Variants in RERE observed in about 807,000 individuals in gnomAD.
RERE encodes arginine-glutamic acid dipeptide repeats protein.
RERE carries 40 observed loss-of-function variants against 146.1 expected under a neutral mutation model. That is an observed-to-expected ratio of 0.27 (90% CI 0.21 to 0.36). RERE has a LOEUF of 0.36. Ranked by LOEUF, RERE falls within the 10% of genes least tolerant of loss-of-function variation. The pLI, the probability that RERE is intolerant of heterozygous loss-of-function variation, is 1.00. For synonymous variants in RERE, 1,003 were observed against 866.0 expected (o/e 1.16, Z -2.78); for missense variants, 1,933 against 2,138.7 (o/e 0.90, Z 1.90).
rs1397809040 is a variant in RERE, at chr1:8,423,740, C to T, written c.1204-933G>A. On this transcript the variant is annotated intron_variant, in intron 11 of 22. Coordinates refer to ENST00000400908, the MANE Select transcript of RERE (RefSeq NM_001042681.2). This position sits in a 1 kb window ranked among gnomAD's most constrained non-coding sequence, Gnocchi z 5.4. ...CGGCGGGGCCGCGCGGCGCGGGGCC[C>T]GGGGGGCGCGGGGCTGGGGCCGCCG... 3.1e-6 allele frequency: 3 copies of T among 964,382 alleles called. No individual in the cohort carries two copies. Among genetic ancestry groups the T allele is most frequent in the East Asian group, 1.2e-4 (1 of 8,628 alleles). 59.7% of individuals were successfully genotyped at this position (964,382 alleles called of 1,614,324 possible).
At chr1:8,527,016 T>C (rs1019733624) in intron 7 of RERE, among the ~76,000 whole-genome samples, 3 of 152,194 alleles carry the variant, frequency 2.0e-5, no homozygotes, top group Non-Finnish European at 4.4e-5. Flanking sequence ...CCCAGAAATG[T>C]AATGGAATGT....
chr1:8,529,852 C>A (rs1645619878), intron 7 of RERE, among the ~76,000 whole-genome samples: 1 of 152,164 alleles, frequency 6.6e-6, no homozygotes, highest in Non-Finnish European at 1.5e-5. Flanking sequence ...ACCACAAATT[C>A]CAATTTTAGA....
At chr1:8,546,457 A>T (rs1645863815) in intron 6 of RERE, among the ~76,000 whole-genome samples, 1 of 151,618 alleles carries the variant, frequency 6.6e-6, no homozygotes, top group Non-Finnish European at 1.5e-5. Context: ...AATCGGAATG[A>T]TTTTTTTTCT....
At chr1:8,365,433 C>G (rs770955687) in intron 13 of RERE, among the ~76,000 whole-genome samples, 21 of 152,178 alleles carry the variant, frequency 1.4e-4, no homozygotes, top group Admixed American at 2.6e-4. Context: ...ATCTGATCTT[C>G]TTACAACCAA....
chr1:8,735,763 C>T (rs1227628406), intron 1 of RERE, among the ~76,000 whole-genome samples: 2 of 152,154 alleles, frequency 1.3e-5, no homozygotes, highest in African/African-American at 4.8e-5. Context: ...CACCTTCCGC[C>T]TCTCTTCCTC....
chr1:8,639,053 G>A (rs1482163021), intron 2 of RERE, among the ~76,000 whole-genome samples: 3 of 152,212 alleles, frequency 2.0e-5, no homozygotes, highest in East Asian at 1.9e-4. Context: ...GATTACAGGC[G>A]TGAGCCACCG....
At chr1:8,637,969 T>G (rs1007321286) in intron 2 of RERE, among the ~76,000 whole-genome samples, 3 of 152,238 alleles carry the variant, frequency 2.0e-5, no homozygotes, top group African/African-American at 7.2e-5. Context: ...CGGAGAATAT[T>G]TGGAAAACAT....
At chr1:8,649,751 T>C (rs576609534) in intron 2 of RERE, among the ~76,000 whole-genome samples, 3 of 150,454 alleles carry the variant, frequency 2.0e-5, no homozygotes, top group Non-Finnish European at 4.4e-5. Context: ...AAAAAATGTA[T>C]ATATATTATG....
intron 10 of RERE, among the ~76,000 whole-genome samples, chr1:8,487,403 A>G (rs1557654160): frequency 6.6e-6 from 1 of 152,028 alleles, no homozygotes; most frequent in African/African-American, 2.4e-5. Flanking sequence ...ACATAGTGAG[A>G]CCCCGTCACT....
At position 8,391,733 on chromosome 1, in the gene RERE, T is replaced by G. The variant is rs555710867; in HGVS notation, c.1285-25759A>C. 2.0e-5 allele frequency among the ~76,000 whole-genome samples: 3 copies of G among 152,334 alleles called. No homozygotes were observed. In the South Asian group the frequency reaches 6.2e-4, roughly 32 times the overall value. On this transcript the variant is annotated intron_variant, in intron 12 of 22. Transcript: ENST00000400908. ...TAATTATTCACCTAATCTGTCTTCT[T>G]CATAGAATTAAAATTCTAGAGGCCG... is the stretch of plus-strand genomic sequence containing the variant.
At chr1:8,603,605 G>A (rs536632232) in intron 4 of RERE, among the ~76,000 whole-genome samples, 65 of 152,188 alleles carry the variant, frequency 4.3e-4, no homozygotes, top group African/African-American at 1.5e-3. Context: ...GCTGCATTAG[G>A]GATATAAGCA....
intron 2 of RERE, among the ~76,000 whole-genome samples, chr1:8,648,410 T>G (rs1385964442): frequency 6.6e-6 from 1 of 152,154 alleles, no homozygotes; most frequent in Non-Finnish European, 1.5e-5. Flanking sequence ...TTTTGTATTT[T>G]GAGTAGAGAC....
intron 7 of RERE, among the ~76,000 whole-genome samples, chr1:8,526,428 T>C (rs931695522): frequency 1.3e-5 from 2 of 151,898 alleles, no homozygotes; most frequent in African/African-American, 4.8e-5. Context: ...AAAAACATAG[T>C]AGTAGCTACT....
At chr1:8,414,607 C>T (rs1346101893) in intron 12 of RERE, among the ~76,000 whole-genome samples, 1 of 147,378 alleles carries the variant, frequency 6.8e-6, no homozygotes, top group Non-Finnish European at 1.5e-5. Flanking sequence ...TATGATACCA[C>T]AATTGAGAGG....
intron 12 of RERE, among the ~76,000 whole-genome samples, chr1:8,379,048 C>A (rs544480717): frequency 6.6e-6 from 1 of 152,224 alleles, no homozygotes; most frequent in African/African-American, 2.4e-5. Context: ...AGTTCCCTCA[C>A]GACGGCTGCA....
intron 11 of RERE, among the ~76,000 whole-genome samples, chr1:8,459,695 C>T (rs1438173457): frequency 2.0e-5 from 3 of 152,074 alleles, no homozygotes; most frequent in Admixed American, 6.5e-5. Context: ...GCAAATGAGA[C>T]GATGAAGCCA....
intron 7 of RERE, among the ~76,000 whole-genome samples, chr1:8,532,415 A>AT (rs1480341593): frequency 1.2e-5 from 1 of 85,680 alleles, no homozygotes; most frequent in East Asian, 9.0e-4. Context: ...TTTCTCTTTT[A>AT]TTTGGGGGGG....
intron 12 of RERE, among the ~76,000 whole-genome samples, chr1:8,384,070 CTG>C (rs1274947157): frequency 6.6e-6 from 1 of 152,150 alleles, no homozygotes; most frequent in Non-Finnish European, 1.5e-5. Context: ...TTGAAAGAAT[CTG>C]TGTTTCTGAT....
chr1:8,543,372 A>G (rs755898288), intron 6 of RERE, among the ~76,000 whole-genome samples: 7 of 152,218 alleles, frequency 4.6e-5, no homozygotes, highest in Non-Finnish European at 7.3e-5. Flanking sequence ...TAAAATAGAG[A>G]TAACACCTAC....
Sources: allele counts gnomAD v4.1 joint callset (sites outside exome capture counted in the v4.1 genomes callset), GRCh38; gene constraint gnomAD v4.1.1; non-coding constraint Gnocchi (gnomAD v3.1); transcripts MANE v1.5; gene names NCBI Gene and HGNC (gene_info 2026-07-23, HGNC 2026-07-21).